FREM1: variants seen among roughly 807,000 people sequenced by gnomAD.
The protein encoded by FREM1 is FRAS1-related extracellular matrix protein 1.
Under a neutral mutation model 210.1 loss-of-function variants are expected in FREM1, and 220 were observed. That is an observed-to-expected ratio of 1.05 (90% confidence interval 0.94 to 1.17). FREM1 has a LOEUF of 1.17. Ranked by LOEUF, FREM1 falls within the 50% of genes most tolerant of loss-of-function variation. The pLI is 0.00. For synonymous variants in FREM1, 1,189 were observed against 980.2 expected (o/e 1.21, Z -3.98); for missense variants, 3,454 against 2,675.5 (o/e 1.29, Z -6.42).
chr9:14,747,083 G>C (rs1430264354), intron 33 of FREM1, 32 bp from the exon 34 acceptor site: 7 of 1,612,348 alleles, frequency 4.3e-6, no homozygotes, highest in Middle Eastern at 3.3e-4. Flanking sequence ...TAGCAATTTA[G>C]AATTGACTTA....
intron 24 of FREM1, among the ~76,000 whole-genome samples, chr9:14,782,001 G>A (rs1849707011): frequency 6.6e-6 from 1 of 152,214 alleles, no homozygotes; most frequent in South Asian, 2.1e-4. Context: ...CACTGCCCCA[G>A]CCTCAACTTC....
chr9:14,868,159 C>A (rs190255449), intron 2 of FREM1, among the ~76,000 whole-genome samples: 1 of 152,252 alleles, frequency 6.6e-6, no homozygotes, highest in Admixed American at 6.5e-5. Flanking sequence ...TCAAGTTTTA[C>A]CTTTGCTATG....
intron 1 of FREM1, among the ~76,000 whole-genome samples, chr9:14,902,610 C>CA (rs1838983245): frequency 6.6e-6 from 1 of 152,282 alleles, no homozygotes; most frequent in Admixed American, 6.5e-5. Flanking sequence ...ATGGTACACC[C>CA]AGTGCACTGC....
chr9:14,804,811 T>C, intron 19 of FREM1, 145 bp downstream of exon 19: 1 of 574,560 alleles, frequency 1.7e-6, no homozygotes, highest in African/African-American at 1.9e-5. Context: ...TTAATAATTT[T>C]CAAATGATTG....
At chr9:14,877,440 G>GTTTTTTTTTTTTTTTTTTTT in intron 1 of FREM1, among the ~76,000 whole-genome samples, 1 of 145,438 alleles carries the variant, frequency 6.9e-6, no homozygotes, top group Non-Finnish European at 1.5e-5. Context: ...AAATCTTGTT[G>GTTTTTTTTTTTTTTTTTTTT]TTTCTTTATG....
At chr9:14,771,712 T>C (rs992266307) in intron 25 of FREM1, among the ~76,000 whole-genome samples, 54 of 152,312 alleles carry the variant, frequency 3.5e-4, no homozygotes, top group African/African-American at 1.2e-3. Flanking sequence ...CTACTGTAAA[T>C]CTTAGTTTGC....
intron 18 of FREM1, among the ~76,000 whole-genome samples, chr9:14,806,198 A>T (rs907538198): frequency 6.6e-6 from 1 of 152,188 alleles, no homozygotes; most frequent in Admixed American, 6.5e-5. Context: ...GTAAGATTCA[A>T]AAGCATCAGC....
At chr9:14,781,292 A>G (rs1849608176) in intron 24 of FREM1, among the ~76,000 whole-genome samples, 3 of 152,208 alleles carry the variant, frequency 2.0e-5, no homozygotes, top group Admixed American at 2.0e-4. Context: ...GCAGGTGTTC[A>G]GGCAATGCTA....
At chr9:14,787,173 T>G (rs1850549037) in intron 23 of FREM1, among the ~76,000 whole-genome samples, 1 of 152,178 alleles carries the variant, frequency 6.6e-6, no homozygotes, top group Admixed American at 6.5e-5. Flanking sequence ...AGGTTGTGAT[T>G]AAATCTAACT....
chr9:14,749,997 C>A, intron 30 of FREM1, 130 bp downstream of exon 30: 1 of 932,318 alleles, frequency 1.1e-6, no homozygotes, highest in South Asian at 1.5e-5. Flanking sequence ...TACATCACGA[C>A]TGAGGGTGCT....
At chr9:14,759,052 C>T (rs1282437180) in intron 28 of FREM1, among the ~76,000 whole-genome samples, 3 of 152,192 alleles carry the variant, frequency 2.0e-5, no homozygotes, top group Non-Finnish European at 2.9e-5. Context: ...CTGAAATTTG[C>T]TCTGGGTACC....
intron 19 of FREM1, 35 bp from the exon 20 acceptor site, chr9:14,801,909 A>G (rs748074509): frequency 6.8e-7 from 1 of 1,464,008 alleles, no homozygotes; most frequent in Non-Finnish European, 9.4e-7. Context: ...TCAACAATGC[A>G]TAAAAGACAA....
chr9:14,831,299 T>G (rs1823515403), intron 10 of FREM1, among the ~76,000 whole-genome samples: 1 of 152,208 alleles, frequency 6.6e-6, no homozygotes, highest in South Asian at 2.1e-4. Flanking sequence ...CTGCATGAAA[T>G]GTGCAAAGAT....
intron 1 of FREM1, among the ~76,000 whole-genome samples, chr9:14,890,568 C>T (rs1320629111): frequency 6.6e-6 from 1 of 152,092 alleles, no homozygotes; most frequent in Non-Finnish European, 1.5e-5. Flanking sequence ...CAAAACAAAA[C>T]AAAACGGGTT....
At chr9:14,865,661 CTGTGTGTGTG>C (rs56960871) in intron 2 of FREM1, among the ~76,000 whole-genome samples, 16 of 144,616 alleles carry the variant, frequency 1.1e-4, no homozygotes, top group East Asian at 8.3e-4. Flanking sequence ...AATGTTTAGG[CTGTGTGTGTG>C]TGTGTGTGTG....
intron 27 of FREM1, among the ~76,000 whole-genome samples, chr9:14,764,617 T>C (rs1846064976): frequency 6.6e-6 from 1 of 152,194 alleles, no homozygotes; most frequent in Admixed American, 6.5e-5. Context: ...TTGCCACAAC[T>C]GGGAAGAGGA....
intron 24 of FREM1, among the ~76,000 whole-genome samples, chr9:14,776,971 T>C (rs1848700095): frequency 6.6e-6 from 1 of 152,192 alleles, no homozygotes; most frequent in Admixed American, 6.5e-5. Context: ...CAAAGAAAGG[T>C]TCACAAAGTT....
intron 12 of FREM1, 59 bp downstream of exon 12, chr9:14,823,966 C>T (rs1821848193): frequency 9.8e-7 from 1 of 1,018,222 alleles, no homozygotes; most frequent in Admixed American, 2.2e-5. Flanking sequence ...CTAGGCATGC[C>T]ATACCTTCTA....
At chr9:14,850,423 A>G (rs1020320150) in intron 6 of FREM1, 2 of 149,192 alleles carry the variant, frequency 1.3e-5, no homozygotes, top group Admixed American at 6.6e-5. Context: ...TTAATAAAAG[A>G]ATTGTGTGCT....
Sources: allele counts gnomAD v4.1 joint callset (sites outside exome capture counted in the v4.1 genomes callset), GRCh38; gene constraint gnomAD v4.1.1; transcripts MANE v1.5; gene names NCBI Gene and HGNC (gene_info 2026-07-23, HGNC 2026-07-21).